ANKRD26: variants seen among roughly 807,000 people sequenced by gnomAD.
ANKRD26 encodes ankyrin repeat domain 26.
In ANKRD26, 141 loss-of-function variants were observed where a neutral mutation model predicts 208.7. That is an observed-to-expected ratio of 0.68 (90% confidence interval 0.59 to 0.78). The LOEUF is 0.78. Ranked by LOEUF, ANKRD26 falls within the 30% of genes least tolerant of loss-of-function variation. The pLI is 0.00. For synonymous variants in ANKRD26, 636 were observed against 660.4 expected (o/e 0.96, Z 0.57); for missense variants, 1,889 against 1,938.7 (o/e 0.97, Z 0.48).
At chr10:27,064,971 C>G (rs1279991995) in intron 11 of ANKRD26, among the ~76,000 whole-genome samples, 1 of 152,136 alleles carries the variant, frequency 6.6e-6, no homozygotes, top group African/African-American at 2.4e-5. Flanking sequence ...ATGGTTACCC[C>G]GCTTCCTGCT....
chr10:27,023,650 G>A (rs1026037961), intron 28 of ANKRD26, among the ~76,000 whole-genome samples: 1 of 152,014 alleles, frequency 6.6e-6, no homozygotes, highest in South Asian at 2.1e-4. Flanking sequence ...CTAGCACAAC[G>A]TTAACAAAGT....
chr10:27,096,786 A>G (rs1243022266), intron 1 of ANKRD26, among the ~76,000 whole-genome samples: 1 of 151,922 alleles, frequency 6.6e-6, no homozygotes, highest in African/African-American at 2.4e-5. Flanking sequence ...AAAAAAGAAA[A>G]AAAAATCAGC....
At chr10:27,071,671 A>G (rs914804641) in intron 9 of ANKRD26, among the ~76,000 whole-genome samples, 3 of 152,280 alleles carry the variant, frequency 2.0e-5, no homozygotes, top group Admixed American at 6.5e-5. Flanking sequence ...AAGAAACCAG[A>G]GACCCTGTGA....
rs1264848589 is a variant in ANKRD26 at position 27,004,347 on chromosome 10, T to C, written c.*1243A>G. On this transcript the variant is annotated 3_prime_UTR_variant, in exon 34 of 34. Coordinates refer to ENST00000376087, the MANE Select transcript of ANKRD26 (RefSeq NM_014915.3). ...ATTTTTAATAACAATATTAATGAAT[T>C]ATAACTCACTGAATAAAATAAACCA... 1 of 149,788 alleles carries C rather than the reference T, an allele frequency of 6.7e-6. No homozygotes were observed. Among genetic ancestry groups the C allele is most frequent in the Non-Finnish European group, 1.5e-5 (1 of 67,458 alleles). 9.3% of individuals were successfully genotyped at this position (149,788 alleles called of 1,614,324 possible).
intron 16 of ANKRD26, chr10:27,051,319 T>C (rs1475461910): frequency 7.8e-7 from 1 of 1,279,408 alleles, no homozygotes; most frequent in Admixed American, 2.4e-5. Context: ...TAAGCGTCTG[T>C]ACCAGCAGAA....
the ANKRD26 span, among the ~76,000 whole-genome samples, chr10:26,966,345 G>A: frequency 2.0e-5 from 3 of 152,184 alleles, no homozygotes; most frequent in African/African-American, 7.2e-5. Context: ...CATGGATGAA[G>A]CGGGAAGCCA....
chr10:27,072,081 T>C (rs1326587567), intron 9 of ANKRD26, among the ~76,000 whole-genome samples: 4 of 152,132 alleles, frequency 2.6e-5, no homozygotes, highest in Non-Finnish European at 4.4e-5. Flanking sequence ...GAACAAGAAG[T>C]GTGCCCAGGC....
Position 27,017,516 on chromosome 10 carries a change from T to G in ANKRD26, c.4492A>C (p.Asn1498His). Residue 1498 changes from asparagine (N) to histidine (H), a missense_variant, in exon 30 of 34, where the codon AAT (asparagine) becomes CAT (histidine). Physicochemically the swap from Asn to His is moderately conservative, Grantham distance 68. Coordinates refer to ENST00000376087, the MANE Select transcript of ANKRD26 (RefSeq NM_014915.3). The part of the protein sequence containing the change: ...QEIAEKLKEV[N>H]LFLQAQAASQ... The stretch of plus-strand genomic sequence containing the variant: ...CATAAGCTAACCTGTAAAAATAGAT[T>G]GACTTCTTTTAATTTTTCTGCTATT... 2 of 1,613,520 alleles carry G rather than the reference T, an allele frequency of 1.2e-6. No homozygotes were observed. Among genetic ancestry groups the G allele is most frequent in the East Asian group, 2.2e-5 (1 of 44,752 alleles).
At chr10:26,956,762 C>T in the ANKRD26 span, among the ~76,000 whole-genome samples, 3,029 of 152,190 alleles carry the variant, frequency 0.02, 79 homozygotes, top group African/African-American at 0.07. Flanking sequence ...ACTGGCTCAC[C>T]GATATGGAGG....
At chr10:27,087,931 C>T (rs957091559) in intron 4 of ANKRD26, among the ~76,000 whole-genome samples, 1 of 152,140 alleles carries the variant, frequency 6.6e-6, no homozygotes, top group African/African-American at 2.4e-5. Context: ...CAGGTGCACA[C>T]CATCACACCT....
intron 30 of ANKRD26, among the ~76,000 whole-genome samples, chr10:27,015,935 C>A (rs2053274688): frequency 6.6e-6 from 1 of 152,174 alleles, no homozygotes; most frequent in Non-Finnish European, 1.5e-5. Context: ...GACACACACA[C>A]ACTCACACAC....
chr10:27,006,959 G>A lies in ANKRD26; in HGVS notation c.4957C>T (p.Gln1653Ter). ...NSMENYLSKM[Q>*]QELEKNITRE... ...GTTATATTTTTTTCCAACTCCTGCT[G>A]CATCTGAAAAAAGTCAAATGTTATT... Residue 1653 changes from glutamine (Q) to a stop codon, truncating the protein, a stop_gained, in exon 33 of 34, where the codon CAG becomes TAG. Transcript: ENST00000376087. LOFTEE classifies it low-confidence loss of function (END_TRUNC). The A allele has an allele frequency of 1.2e-6, 2 of 1,608,608 alleles. No individual in the cohort carries two copies. Among genetic ancestry groups the A allele is most frequent in the Non-Finnish European group, 1.7e-6 (2 of 1,176,284 alleles).
In ANKRD26 at chr10:27,093,741, C is replaced by T. The variant is rs199753643; in HGVS notation, c.301G>A (p.Asp101Asn). 8.1e-5 allele frequency: 131 copies of T among 1,614,202 alleles called. 1 individual carries two copies. In the East Asian group the frequency reaches 2.9e-3, roughly 35 times the overall value. ...GHPEVVTLLV[D>N]RKCQLNVCDN... ...CAGACATTGAGCTGGCATTTTCTGT[C>T]CACCAGGAGAGTTACTACTTCTGGA... Residue 101 changes from aspartate to asparagine, a missense_variant, in exon 2 of 34, where the codon GAC becomes AAC. Coordinates refer to ENST00000376087, the MANE Select transcript of ANKRD26 (RefSeq NM_014915.3).
At chr10:27,040,296 T>C in intron 20 of ANKRD26, 118 bp from the exon 21 acceptor site, 1 of 746,974 alleles carries the variant, frequency 1.3e-6, no homozygotes, top group Non-Finnish European at 2.2e-6. Flanking sequence ...GCCTACAATG[T>C]GGAAGACATT....
chr10:26,962,971 CTTAT>C, the ANKRD26 span, among the ~76,000 whole-genome samples: 10 of 152,128 alleles, frequency 6.6e-5, no homozygotes, highest in African/African-American at 2.4e-4. Flanking sequence ...TCAGTATTAA[CTTAT>C]TTAACTCTTG....
At chr10:27,099,929 G>T (rs1183114173) in intron 1 of ANKRD26, among the ~76,000 whole-genome samples, 156 bp downstream of exon 1, 1 of 152,134 alleles carries the variant, frequency 6.6e-6, no homozygotes, top group Non-Finnish European at 1.5e-5. Flanking sequence ...TCAGAAAGGC[G>T]GCCTGGGCGC....
the ANKRD26 span, among the ~76,000 whole-genome samples, chr10:26,949,814 T>C: frequency 6.6e-6 from 1 of 152,220 alleles, no homozygotes; most frequent in African/African-American, 2.4e-5. Flanking sequence ...CTTATAGTTA[T>C]TTTAATTGGG....
At chr10:27,000,998 ACT>A (rs2052711367), downstream of ANKRD26, among the ~76,000 whole-genome samples, 1 of 152,172 alleles carries the variant, frequency 6.6e-6, no homozygotes, top group East Asian at 1.9e-4. Context: ...ACAGAGCGAG[ACT>A]CTGTCTCAAA....
intron 11 of ANKRD26, among the ~76,000 whole-genome samples, chr10:27,064,531 C>T (rs550172448): frequency 6.8e-4 from 104 of 152,078 alleles, no homozygotes; most frequent in African/African-American, 2.4e-3. Flanking sequence ...TATAGTACAG[C>T]GTTAAACATT....
Sources: gnomAD v4.1 joint callset for allele counts (sites outside exome capture counted in the v4.1 genomes callset) on GRCh38, gnomAD v4.1.1 for gene constraint, MANE v1.5 for transcripts, NCBI Gene and HGNC (gene_info 2026-07-23, HGNC 2026-07-21) for gene names.